SOX6: variants seen among roughly 807,000 people sequenced by gnomAD.
SOX6 encodes transcription factor SOX-6.
In SOX6, 11 loss-of-function variants were observed where a neutral mutation model predicts 97.8. The ratio of observed to expected loss-of-function variants is 0.11; its 90% confidence interval spans 0.07 to 0.19. The LOEUF (loss-of-function observed/expected upper bound fraction) is 0.19, where lower values mean the gene tolerates loss of function less well. Ranked by LOEUF, SOX6 falls within the 10% of genes least tolerant of loss-of-function variation. SOX6 has a pLI of 1.00. For missense variants in SOX6, 810 were observed against 1,039.5 expected (o/e 0.78, Z 3.04); for synonymous variants, 360 against 371.4 (o/e 0.97, Z 0.35).
intron 1 of SOX6, among the ~76,000 whole-genome samples, chr11:16,421,467 C>T (rs1040142032): frequency 6.6e-6 from 1 of 151,904 alleles, no homozygotes; most frequent in Non-Finnish European, 1.5e-5. Context: ...TATTTCATAC[C>T]CCTGAAGAGG....
intron 1 of SOX6, among the ~76,000 whole-genome samples, chr11:16,402,141 C>A (rs1054286584): frequency 1.5e-4 from 23 of 151,248 alleles, no homozygotes; most frequent in African/African-American, 5.1e-4. Flanking sequence ...ACAAAAAAAA[C>A]ACTGTATTCA....
intron 4 of SOX6, among the ~76,000 whole-genome samples, chr11:16,546,337 T>C (rs1847620246): frequency 6.6e-6 from 1 of 152,084 alleles, no homozygotes. Context: ...TTCACAGAAA[T>C]AGAATTCAAA....
intron 4 of SOX6, among the ~76,000 whole-genome samples, chr11:16,206,662 G>A (rs967340294): frequency 6.6e-6 from 1 of 152,126 alleles, no homozygotes; most frequent in African/African-American, 2.4e-5. Context: ...TTCACATAGT[G>A]AGCACTCAAT....
intron 1 of SOX6, among the ~76,000 whole-genome samples, chr11:16,470,224 A>G (rs1259329900): frequency 1.3e-5 from 2 of 152,074 alleles, no homozygotes; most frequent in African/African-American, 4.8e-5. Flanking sequence ...TTCAAGCCCT[A>G]TTTGTGGATT....
chr11:16,461,971 T>A (rs576448718), intron 1 of SOX6, among the ~76,000 whole-genome samples: 15 of 152,336 alleles, frequency 9.8e-5, no homozygotes, highest in African/African-American at 3.6e-4. Context: ...CATTTGCGTT[T>A]GTTTCCAATG....
chr11:16,043,050 G>A (rs1564922185), intron 12 of SOX6, among the ~76,000 whole-genome samples: 1 of 152,100 alleles, frequency 6.6e-6, no homozygotes, highest in Non-Finnish European at 1.5e-5. Context: ...CATTAAAAAG[G>A]CCCACCCTGC....
At chr11:16,339,069 C>T (rs1856550616) in intron 2 of SOX6, among the ~76,000 whole-genome samples, 1 of 152,140 alleles carries the variant, frequency 6.6e-6, no homozygotes, top group South Asian at 2.1e-4. Flanking sequence ...TTAAACCCAT[C>T]CTTTCTCTCT....
intron 1 of SOX6, among the ~76,000 whole-genome samples, chr11:16,350,008 T>C (rs1324711099): frequency 1.3e-5 from 2 of 152,306 alleles, no homozygotes; most frequent in East Asian, 3.9e-4. Flanking sequence ...TTTATGATCA[T>C]TTAACACAAA....
At chr11:16,264,832 G>A (rs1227445335) in intron 3 of SOX6, 2 of 134,474 alleles carry the variant, frequency 1.5e-5, no homozygotes, top group Non-Finnish European at 1.6e-5. Context: ...CAAGACGGAG[G>A]CTGAATTTAC....
At chr11:16,360,042 T>C (rs940467142), upstream of SOX6, among the ~76,000 whole-genome samples, 8 of 152,216 alleles carry the variant, frequency 5.3e-5, no homozygotes, top group African/African-American at 1.9e-4. Context: ...TTTTACACTA[T>C]ACTTCTAATG....
intron 4 of SOX6, among the ~76,000 whole-genome samples, chr11:16,520,426 A>G (rs561538550): frequency 3.5e-4 from 53 of 152,330 alleles, no homozygotes; most frequent in African/African-American, 1.2e-3. Context: ...CTAGCCATCA[A>G]CTTGTTTATT....
At chr11:16,606,952 C>G (rs1421791410) in intron 4 of SOX6, among the ~76,000 whole-genome samples, 1 of 152,124 alleles carries the variant, frequency 6.6e-6, no homozygotes, top group Non-Finnish European at 1.5e-5. Context: ...CGGCGGGCGC[C>G]CGGGCCCCTT....
At chr11:16,253,560 A>G (rs1234759506) in intron 3 of SOX6, among the ~76,000 whole-genome samples, 1 of 152,150 alleles carries the variant, frequency 6.6e-6, no homozygotes, top group Non-Finnish European at 1.5e-5. Context: ...AAGGCTAGAG[A>G]TTAAAAATGC....
rs1861354415 is a variant in SOX6, at chr11:16,538,805, G to A, written n.610-62417C>T. ...CTAAATATATATGCATCCAATACAG[G>A]AGTACCCAGATTCATAAAGCAAGAC... On this transcript the variant is annotated intron_variant and non_coding_transcript_variant, in intron 4 of 5. Coordinates refer to the SOX6 transcript ENST00000524520. 1.3e-5 allele frequency among the ~76,000 whole-genome samples: 2 copies of A among 152,132 alleles called. 1 individual carries two copies. The highest frequency in any genetic ancestry group is 1.3e-4 in the Admixed American group (2 of 15,276).
intron 3 of SOX6, among the ~76,000 whole-genome samples, chr11:16,650,426 C>T (rs2134012775): frequency 6.6e-6 from 1 of 152,152 alleles, no homozygotes; most frequent in African/African-American, 2.4e-5. Flanking sequence ...TATCAACTAT[C>T]ATCTCAGATC....
chr11:16,266,121 A>T (rs1257376517), intron 3 of SOX6, among the ~76,000 whole-genome samples: 5 of 151,816 alleles, frequency 3.3e-5, no homozygotes, highest in Non-Finnish European at 7.4e-5. Flanking sequence ...ACACAAAGGT[A>T]CATCATAATT....
intron 1 of SOX6, among the ~76,000 whole-genome samples, chr11:16,364,953 A>G (rs1045503617): frequency 6.6e-6 from 1 of 152,144 alleles, no homozygotes; most frequent in East Asian, 1.9e-4. Context: ...AGAACAAGTA[A>G]CACATACTTT....
At chr11:16,731,742 G>A (rs938785098) in intron 2 of SOX6, among the ~76,000 whole-genome samples, 4 of 152,186 alleles carry the variant, frequency 2.6e-5, no homozygotes, top group Non-Finnish European at 4.4e-5. Context: ...GTTCTGGCCA[G>A]GGCAATCAGG....
intron 1 of SOX6, among the ~76,000 whole-genome samples, chr11:16,439,632 A>C (rs1399723780): frequency 1.3e-5 from 2 of 152,186 alleles, no homozygotes; most frequent in Non-Finnish European, 2.9e-5. Flanking sequence ...AAGTATAGCC[A>C]CTTCCTTCCT....
Sources: allele counts gnomAD v4.1 joint callset (sites outside exome capture counted in the v4.1 genomes callset), GRCh38; gene constraint gnomAD v4.1.1; transcripts MANE v1.5; gene names NCBI Gene and HGNC (gene_info 2026-07-23, HGNC 2026-07-21).